NKAIN2: variants seen among roughly 807,000 people sequenced by gnomAD.
NKAIN2 encodes sodium/potassium-transporting ATPase subunit beta-1-interacting protein 2.
A neutral mutation model predicts 32.6 loss-of-function variants in NKAIN2; 14 were observed. The ratio of observed to expected loss-of-function variants is 0.43; its 90% CI spans 0.28 to 0.67. NKAIN2 has a LOEUF of 0.67. Ranked by LOEUF, NKAIN2 falls within the 30% of genes least tolerant of loss-of-function variation. The pLI is 0.17. For synonymous variants in NKAIN2, 80 were observed against 87.2 expected (o/e 0.92, Z 0.46); for missense variants, 198 against 258.3 (o/e 0.77, Z 1.60).
intron 1 of NKAIN2, among the ~76,000 whole-genome samples, chr6:124,185,470 A>G (rs1789669196): frequency 6.6e-6 from 1 of 152,194 alleles, no homozygotes; most frequent in Non-Finnish European, 1.5e-5. Flanking sequence ...ATGCTCAAAG[A>G]AAGATGAACT....
intron 1 of NKAIN2, among the ~76,000 whole-genome samples, chr6:124,174,117 T>C (rs1046226030): frequency 6.6e-6 from 1 of 152,124 alleles, no homozygotes; most frequent in Non-Finnish European, 1.5e-5. Context: ...AGGGAAATTG[T>C]GAGGTTTATA....
At chr6:123,811,088 G>A (rs893121273) in intron 1 of NKAIN2, among the ~76,000 whole-genome samples, 11 of 152,100 alleles carry the variant, frequency 7.2e-5, no homozygotes, top group Non-Finnish European at 1.6e-4. Flanking sequence ...TCACCTAATG[G>A]TGTTACAAGA....
intron 5 of NKAIN2, among the ~76,000 whole-genome samples, chr6:124,793,628 G>A (rs1562386709): frequency 6.8e-6 from 1 of 146,506 alleles, no homozygotes; most frequent in Non-Finnish European, 1.5e-5. Flanking sequence ...TAGCAGAATA[G>A]CACCTCTCAA....
intron 3 of NKAIN2, among the ~76,000 whole-genome samples, chr6:124,495,556 C>T (rs756859539): frequency 3.3e-5 from 5 of 152,160 alleles, no homozygotes; most frequent in African/African-American, 1.2e-4. Flanking sequence ...GTAGCTCCAG[C>T]GTGATGCCAA....
At chr6:124,430,525 G>T (rs1451151501) in intron 3 of NKAIN2, among the ~76,000 whole-genome samples, 1 of 152,110 alleles carries the variant, frequency 6.6e-6, no homozygotes, top group Non-Finnish European at 1.5e-5. Flanking sequence ...TGGTAACTGG[G>T]CTCATAAGAT....
chr6:124,809,209 A>G (rs1200924972), intron 5 of NKAIN2, among the ~76,000 whole-genome samples: 2 of 151,906 alleles, frequency 1.3e-5, no homozygotes, highest in East Asian at 3.9e-4. Context: ...AGCTGGAGGC[A>G]TCACACTACC....
At chr6:123,865,223 G>T (rs1775936628) in intron 1 of NKAIN2, among the ~76,000 whole-genome samples, 1 of 151,876 alleles carries the variant, frequency 6.6e-6, no homozygotes, top group African/African-American at 2.4e-5. Context: ...AAGTCTCTTG[G>T]ATATTTTGGT....
At chr6:124,459,540 GTGA>G (rs1776449728) in intron 3 of NKAIN2, among the ~76,000 whole-genome samples, 1 of 151,948 alleles carries the variant, frequency 6.6e-6, no homozygotes, top group African/African-American at 2.4e-5. Context: ...TGACACCTAA[GTGA>G]TGATATTGTT....
chr6:124,610,838 T>C (rs540935675), intron 3 of NKAIN2, among the ~76,000 whole-genome samples: 1 of 152,310 alleles, frequency 6.6e-6, no homozygotes, highest in Non-Finnish European at 1.5e-5. Context: ...TTATGACTTT[T>C]TTTTAAAGAA....
intron 1 of NKAIN2, among the ~76,000 whole-genome samples, chr6:124,064,626 TTTCTC>T (rs1345126309): frequency 6.6e-6 from 1 of 152,016 alleles, no homozygotes; most frequent in African/African-American, 2.4e-5. Context: ...AATCCACTCT[TTTCTC>T]AAGGTATCTG....
intron 2 of NKAIN2, among the ~76,000 whole-genome samples, chr6:124,298,287 G>A (rs894804805): frequency 2.0e-5 from 3 of 151,778 alleles, no homozygotes; most frequent in African/African-American, 7.3e-5. Flanking sequence ...ACCATGTTTT[G>A]TGTAGCAATA....
At chr6:124,418,365 A>G (rs1299490645) in intron 3 of NKAIN2, among the ~76,000 whole-genome samples, 1 of 151,894 alleles carries the variant, frequency 6.6e-6, no homozygotes, top group Non-Finnish European at 1.5e-5. Flanking sequence ...CGGGTCTTCC[A>G]AGATGATTTT....
chr6:124,275,071 G>A (rs1794967968), intron 1 of NKAIN2, among the ~76,000 whole-genome samples: 1 of 152,012 alleles, frequency 6.6e-6, no homozygotes, highest in Non-Finnish European at 1.5e-5. Flanking sequence ...CATATAATAT[G>A]CTAGTCATCA....
chr6:124,729,535 A>G (rs1284014342), intron 4 of NKAIN2, among the ~76,000 whole-genome samples: 1 of 151,666 alleles, frequency 6.6e-6, no homozygotes, highest in Admixed American at 6.6e-5. Context: ...CTCTCAATAA[A>G]TTAGGTATTG....
chr6:124,704,643 C>CAGAGAG (rs10572050), intron 4 of NKAIN2, among the ~76,000 whole-genome samples: 4 of 149,416 alleles, frequency 2.7e-5, no homozygotes, highest in Admixed American at 6.7e-5. Context: ...GAGAAAGAGA[C>CAGAGAG]AGAGAGAGAG....
intron 4 of NKAIN2, among the ~76,000 whole-genome samples, chr6:124,693,836 C>T (rs528863776): frequency 6.6e-6 from 1 of 152,264 alleles, no homozygotes; most frequent in African/African-American, 2.4e-5. Flanking sequence ...TAGACCCTTC[C>T]TGTCTTAAGA....
rs1292151754 is a variant in NKAIN2 at position 123,976,287 on chromosome 6, A to G, written c.54+172033A>G. ...TATGTTTCCATATATATGTTTCCAT[A>G]TATATGTTTCCATATATATGTTTCC... On this transcript the variant is annotated intron_variant, in intron 1 of 6. Transcript: ENST00000368417. Among the ~76,000 whole-genome samples the G allele has an allele frequency of 1.5e-4, 17 of 116,186 alleles. 1 individual carries two copies. The highest frequency in any genetic ancestry group is 5.6e-4 in the African/African-American group (17 of 30,374). 76.2% of individuals were successfully genotyped at this position (116,186 alleles called of 152,430 possible).
chr6:123,908,395 C>T (rs1562251414), intron 1 of NKAIN2, among the ~76,000 whole-genome samples: 2 of 152,142 alleles, frequency 1.3e-5, no homozygotes, highest in Admixed American at 6.5e-5. Context: ...CACATCCAAA[C>T]AGAGAAATAA....
At chr6:123,858,567 C>A (rs2114973017) in intron 1 of NKAIN2, among the ~76,000 whole-genome samples, 1 of 152,284 alleles carries the variant, frequency 6.6e-6, no homozygotes, top group South Asian at 2.1e-4. Context: ...GGATAGAGGT[C>A]ATTAAAGCAG....
Sources: allele counts gnomAD v4.1 joint callset (sites outside exome capture counted in the v4.1 genomes callset), GRCh38; gene constraint gnomAD v4.1.1; transcripts MANE v1.5; gene names NCBI Gene and HGNC (gene_info 2026-07-23, HGNC 2026-07-21).